C12orf56: variants seen among roughly 807,000 people sequenced by gnomAD.
C12orf56 encodes the protein uncharacterized protein C12orf56.
In C12orf56, 71 loss-of-function variants were observed where a neutral mutation model predicts 69.9. The ratio of observed to expected loss-of-function variants is 1.02; its 90% CI spans 0.84 to 1.24. The LOEUF is 1.24. Among genes scored for constraint, C12orf56 ranks in the 50% most tolerant of loss-of-function variants. C12orf56 has a pLI of 0.00. For missense variants in C12orf56, 732 were observed against 738.5 expected (o/e 0.99, Z 0.10); for synonymous variants, 276 against 274.1 (o/e 1.01, Z -0.07).
chr12:64,293,001 G>A (rs1371160312), intron 6 of C12orf56, among the ~76,000 whole-genome samples: 4 of 150,644 alleles, frequency 2.7e-5, no homozygotes, highest in African/African-American at 4.9e-5. Context: ...AGCAATCAGC[G>A]AGACTCCGTG....
intron 5 of C12orf56, among the ~76,000 whole-genome samples, chr12:64,310,722 T>TG (rs2038596432): frequency 8.1e-6 from 1 of 122,968 alleles, no homozygotes; most frequent in African/African-American, 3.1e-5. Context: ...CTTCTTTCTT[T>TG]ATTTTTTTTT....
At chr12:64,335,894 G>T (rs1436720401) in intron 2 of C12orf56, among the ~76,000 whole-genome samples, 3 of 152,142 alleles carry the variant, frequency 2.0e-5, no homozygotes, top group Non-Finnish European at 4.4e-5. Flanking sequence ...TTTTACCCAA[G>T]AGGTTTGGAG....
intron 1 of C12orf56, among the ~76,000 whole-genome samples, chr12:64,372,805 A>G (rs1279937483): frequency 6.6e-6 from 1 of 152,122 alleles, no homozygotes; most frequent in Non-Finnish European, 1.5e-5. Context: ...ATGAGCCACC[A>G]TGCCTGGCCA....
chr12:64,309,215 T>C (rs1244489857), intron 5 of C12orf56, among the ~76,000 whole-genome samples: 2 of 152,206 alleles, frequency 1.3e-5, no homozygotes. Context: ...TCTACAAGTA[T>C]CACCACTATC....
At chr12:64,328,588 G>A (rs951484388) in intron 3 of C12orf56, among the ~76,000 whole-genome samples, 1 of 147,538 alleles carries the variant, frequency 6.8e-6, no homozygotes, top group Non-Finnish European at 1.5e-5. Context: ...GCTGAGGCAG[G>A]AGAATCACTT....
chr12:64,279,048 T>A (rs1312497083), intron 8 of C12orf56, among the ~76,000 whole-genome samples: 1 of 152,188 alleles, frequency 6.6e-6, no homozygotes, highest in East Asian at 1.9e-4. Flanking sequence ...TTTTCTTGGT[T>A]TCTGTTAATA....
chr12:64,355,302 A>T (rs1293518482), intron 1 of C12orf56, among the ~76,000 whole-genome samples: 2 of 152,124 alleles, frequency 1.3e-5, no homozygotes, highest in African/African-American at 4.8e-5. Flanking sequence ...AACAATATCT[A>T]CTCAAATTCA....
chr12:64,300,768 C>A (rs1271455453), intron 6 of C12orf56, among the ~76,000 whole-genome samples: 1 of 152,206 alleles, frequency 6.6e-6, no homozygotes, highest in African/African-American at 2.4e-5. Context: ...ATGTAGAGAT[C>A]ACTCTCACCT....
chr12:64,359,422 C>T (rs1005484581), intron 1 of C12orf56, among the ~76,000 whole-genome samples: 5 of 151,988 alleles, frequency 3.3e-5, no homozygotes, highest in African/African-American at 4.8e-5. Context: ...CCCAAGCCAA[C>T]GAACCTAAGA....
chr12:64,307,818 T>A (rs2038536037), intron 5 of C12orf56, among the ~76,000 whole-genome samples: 1 of 148,506 alleles, frequency 6.7e-6, no homozygotes, highest in African/African-American at 2.5e-5. Context: ...GCCTGGGCAA[T>A]ATAACCAGAC....
intron 1 of C12orf56, among the ~76,000 whole-genome samples, chr12:64,362,668 G>A (rs895724125): frequency 2.8e-4 from 43 of 151,940 alleles, no homozygotes; most frequent in African/African-American, 9.2e-4. Flanking sequence ...CTCCAGCCTG[G>A]GTGACAGAAC....
intron 2 of C12orf56, chr12:64,338,299 A>G: frequency 2.0e-6 from 1 of 508,556 alleles, no homozygotes; most frequent in South Asian, 1.7e-5. Context: ...AATCCCCATT[A>G]TATATCTCAA....
chr12:64,275,163 C>A, intron 10 of C12orf56, 135 bp downstream of exon 10: 1 of 738,574 alleles, frequency 1.4e-6, no homozygotes, highest in Non-Finnish European at 2.1e-6. Context: ...TGGAGACCAT[C>A]TCAAGTACAA....
chr12:64,364,986 CCAGAT>C (rs1161010984), intron 1 of C12orf56, among the ~76,000 whole-genome samples: 1 of 151,950 alleles, frequency 6.6e-6, no homozygotes, highest in East Asian at 1.9e-4. Flanking sequence ...ATCCTTGTGG[CCAGAT>C]CCTCTCCAGC....
chr12:64,331,948 T>TAA (rs55845408), intron 2 of C12orf56, among the ~76,000 whole-genome samples: 24 of 135,128 alleles, frequency 1.8e-4, no homozygotes, highest in South Asian at 6.9e-4. Context: ...TATCCTTAAA[T>TAA]AAAAAAAAAA....
At chr12:64,350,874 C>G (rs2039213328) in intron 2 of C12orf56, among the ~76,000 whole-genome samples, 1 of 152,140 alleles carries the variant, frequency 6.6e-6, no homozygotes, top group Non-Finnish European at 1.5e-5. Context: ...ACAACTCAGT[C>G]CTATCATGAT....
At chr12:64,302,706 AG>A (rs2038462064) in intron 6 of C12orf56, among the ~76,000 whole-genome samples, 1 of 152,182 alleles carries the variant, frequency 6.6e-6, no homozygotes, top group African/African-American at 2.4e-5. Flanking sequence ...CATGAAAATG[AG>A]GTGTCTGTAA....
intron 4 of C12orf56, among the ~76,000 whole-genome samples, chr12:64,318,137 A>C (rs542637005): frequency 1.8e-4 from 27 of 152,162 alleles, no homozygotes; most frequent in African/African-American, 6.3e-4. Flanking sequence ...GCTCACTGCA[A>C]TTAAACTCCG....
chr12:64,347,862 C>T (rs575551389), intron 2 of C12orf56, among the ~76,000 whole-genome samples: 6 of 152,034 alleles, frequency 3.9e-5, no homozygotes, highest in African/African-American at 9.7e-5. Flanking sequence ...TTTTGCCTAG[C>T]GTTAAAGGAT....
Sources: allele counts gnomAD v4.1 joint callset (sites outside exome capture counted in the v4.1 genomes callset), GRCh38; gene constraint gnomAD v4.1.1; transcripts MANE v1.5; gene names NCBI Gene and HGNC (gene_info 2026-07-23, HGNC 2026-07-21).